CTNNA3: variants seen among roughly 807,000 people sequenced by gnomAD.
The protein encoded by CTNNA3 is catenin alpha-3.
A neutral mutation model predicts 95.7 loss-of-function variants in CTNNA3; 76 were observed. The ratio of observed to expected loss-of-function variants is 0.79; its 90% CI spans 0.66 to 0.96. The LOEUF is 0.96. Among genes scored for constraint, CTNNA3 ranks in the 40% least tolerant of loss-of-function variants. CTNNA3 has a pLI of 0.00. For missense variants in CTNNA3, 1,191 were observed against 1,089.8 expected, an observed-to-expected ratio of 1.09 and a Z score of -1.31; for synonymous variants, 431 against 374.4, an observed-to-expected ratio of 1.15 and a Z score of -1.74.
intron 11 of CTNNA3, among the ~76,000 whole-genome samples, chr10:66,431,407 T>C (rs2093294530): frequency 6.6e-6 from 1 of 151,984 alleles, no homozygotes; most frequent in South Asian, 2.1e-4. Context: ...TATATACTCA[T>C]AGGATTATAA....
At chr10:66,826,924 T>G (rs1364114117) in intron 7 of CTNNA3, among the ~76,000 whole-genome samples, 1 of 152,212 alleles carries the variant, frequency 6.6e-6, no homozygotes, top group Admixed American at 6.5e-5. Context: ...GCCTCCAGCC[T>G]GGCTCTTTCA....
chr10:67,073,680 G>T (rs560084713), intron 7 of CTNNA3, among the ~76,000 whole-genome samples: 11 of 151,828 alleles, frequency 7.2e-5, no homozygotes, highest in African/African-American at 2.2e-4. Context: ...TATCTAGTGA[G>T]GTGTTTTTAA....
intron 10 of CTNNA3, among the ~76,000 whole-genome samples, chr10:66,609,230 T>G (rs1216678731): frequency 6.6e-6 from 1 of 151,106 alleles, no homozygotes; most frequent in Admixed American, 6.6e-5. Context: ...AGGCTAAATT[T>G]TTTTTGTATT....
At chr10:67,154,282 C>T (rs769346932) in intron 7 of CTNNA3, among the ~76,000 whole-genome samples, 7 of 151,996 alleles carry the variant, frequency 4.6e-5, no homozygotes, top group South Asian at 4.1e-4. Context: ...TAAAATATAT[C>T]GTTAATGGGC....
At chr10:66,226,456 T>A (rs1214153097) in intron 13 of CTNNA3, among the ~76,000 whole-genome samples, 1 of 152,158 alleles carries the variant, frequency 6.6e-6, no homozygotes, top group African/African-American at 2.4e-5. Context: ...TTACTATAGA[T>A]TTGTAGTATA....
At chr10:67,275,550 A>G (rs1839154656) in intron 5 of CTNNA3, among the ~76,000 whole-genome samples, 1 of 152,192 alleles carries the variant, frequency 6.6e-6, no homozygotes, top group Admixed American at 6.5e-5. Flanking sequence ...TGAAAAAAGA[A>G]TAACAGTAAA....
intron 13 of CTNNA3, 103 bp downstream of exon 13, chr10:66,280,367 T>C (rs572706356): frequency 1.2e-5 from 12 of 1,010,602 alleles, no homozygotes; most frequent in South Asian, 1.2e-4. Flanking sequence ...GATTTCAGCA[T>C]TGACATTACA....
At chr10:66,217,922 C>T (rs374692338) in intron 13 of CTNNA3, among the ~76,000 whole-genome samples, 1 of 55,550 alleles carries the variant, frequency 1.8e-5, no homozygotes, top group South Asian at 1.7e-3. Context: ...AAGTCTGTCA[C>T]CTCCTAACTG....
chr10:65,993,567 A>G (rs921954785), intron 15 of CTNNA3, among the ~76,000 whole-genome samples: 1 of 152,194 alleles, frequency 6.6e-6, no homozygotes, highest in Admixed American at 6.5e-5. Flanking sequence ...AGAGATACTT[A>G]TGCTCACTTT....
At chr10:67,288,793 A>G (rs1013048703) in intron 5 of CTNNA3, among the ~76,000 whole-genome samples, 12 of 152,136 alleles carry the variant, frequency 7.9e-5, no homozygotes, top group Admixed American at 1.3e-4. Flanking sequence ...TCTGTCTGTC[A>G]CCCATAAAGC....
At chr10:66,293,729 G>A (rs367866716) in intron 12 of CTNNA3, among the ~76,000 whole-genome samples, 158 of 148,878 alleles carry the variant, frequency 1.1e-3, no homozygotes, top group African/African-American at 3.8e-3. Context: ...GCAGTGGTGC[G>A]ATCTCGGCTC....
chr10:66,978,884 T>C (rs1850236918), intron 7 of CTNNA3, among the ~76,000 whole-genome samples: 1 of 151,358 alleles, frequency 6.6e-6, no homozygotes, highest in Admixed American at 6.6e-5. Context: ...AAGCCTATTA[T>C]TTGAAGGAAG....
intron 14 of CTNNA3, among the ~76,000 whole-genome samples, chr10:66,102,229 T>A (rs2081663847): frequency 6.6e-6 from 1 of 152,138 alleles, no homozygotes; most frequent in African/African-American, 2.4e-5. Context: ...ATAATAATAT[T>A]AATAATGATG....
chr10:66,334,764 A>G (rs10733821), intron 12 of CTNNA3, among the ~76,000 whole-genome samples: 118,643 of 151,414 alleles, frequency 0.78, 46,907 homozygotes, highest in Non-Finnish European at 0.84. Flanking sequence ...TATTTCCTGA[A>G]TTTGAATGTT....
At chr10:67,038,780 G>A (rs545338451) in intron 7 of CTNNA3, among the ~76,000 whole-genome samples, 3 of 152,112 alleles carry the variant, frequency 2.0e-5, no homozygotes, top group South Asian at 4.1e-4. Flanking sequence ...TTTTTTAAAT[G>A]TCTCTCTTTA....
intron 9 of CTNNA3, among the ~76,000 whole-genome samples, chr10:66,728,120 T>C (rs2394303): frequency 0.39 from 59,010 of 152,018 alleles, 11,895 homozygotes; most frequent in Non-Finnish European, 0.43. Flanking sequence ...CCATAAAATC[T>C]AGTTTTTCCT....
intron 7 of CTNNA3, chr10:66,928,256 C>A (rs1164365626): frequency 1.2e-6 from 2 of 1,614,044 alleles, no homozygotes; most frequent in Non-Finnish European, 8.5e-7. Context: ...CGGTACCCTG[C>A]GAGCATGAAG....
rs1393837792 is a variant in CTNNA3, at chr10:65,914,935, T to C, written c.*5395A>G. 2 of 152,178 alleles carry C rather than the reference T, an allele frequency of 1.3e-5. No individual in the cohort carries two copies. Among genetic ancestry groups the C allele is most frequent in the Non-Finnish European group, 2.9e-5 (2 of 68,032 alleles). 9.4% of individuals were successfully genotyped at this position (152,178 alleles called of 1,614,324 possible). A position where few individuals can be genotyped will look rare whatever the true frequency, so the allele number is the denominator to read the frequency against. On this transcript the variant is annotated 3_prime_UTR_variant, in exon 18 of 18. Transcript: ENST00000433211. Reference sequence around the variant, plus strand: ...AAAGCCAGTGAGACTTTGAGCAAGATTCTTATCCCATTTAACCCTCAGCTT... The same window carrying C: ...AAAGCCAGTGAGACTTTGAGCAAGACTCTTATCCCATTTAACCCTCAGCTT...
At chr10:66,555,931 C>T (rs1311562436) in intron 10 of CTNNA3, among the ~76,000 whole-genome samples, 1 of 151,922 alleles carries the variant, frequency 6.6e-6, no homozygotes, top group Non-Finnish European at 1.5e-5. Flanking sequence ...AATGAAAATG[C>T]AACCTATGAA....
Sources: gnomAD v4.1 joint callset for allele counts (sites outside exome capture counted in the v4.1 genomes callset) on GRCh38, gnomAD v4.1.1 for gene constraint, MANE v1.5 for transcripts, NCBI Gene and HGNC (gene_info 2026-07-23, HGNC 2026-07-21) for gene names.